Variants in PHTF2 observed in about 807,000 individuals in gnomAD.
PHTF2 encodes putative homeodomain transcription factor 2, also known as protein PHTF2.
PHTF2 carries 60 observed loss-of-function variants against 101.2 expected under a neutral mutation model. The ratio of observed to expected loss-of-function variants is 0.59; its 90% CI spans 0.48 to 0.73. PHTF2 has a LOEUF of 0.73. PHTF2 is among the 30% of genes least tolerant of loss of function. The pLI is 0.00. For synonymous variants in PHTF2, 311 were observed against 307.3 expected (o/e 1.01, Z -0.13); for missense variants, 747 against 908.7 (o/e 0.82, Z 2.29).
intron 1 of PHTF2, among the ~76,000 whole-genome samples, chr7:77,819,518 G>C (rs1329467187): frequency 6.6e-6 from 1 of 152,036 alleles, no homozygotes; most frequent in Non-Finnish European, 1.5e-5. Flanking sequence ...TTATTCTATT[G>C]GTGTGATGTA....
intron 1 of PHTF2, among the ~76,000 whole-genome samples, chr7:77,823,949 A>G (rs1401999235): frequency 6.6e-6 from 1 of 152,220 alleles, no homozygotes; most frequent in Non-Finnish European, 1.5e-5. Flanking sequence ...TTTTAAAAAG[A>G]TAAGTAGTGA....
At chr7:77,803,810 T>C (rs1364551911) in intron 1 of PHTF2, among the ~76,000 whole-genome samples, 2 of 151,440 alleles carry the variant, frequency 1.3e-5, no homozygotes, top group South Asian at 2.1e-4. Flanking sequence ...AGGGAGGCAA[T>C]AGGATTCAAC....
intron 1 of PHTF2, among the ~76,000 whole-genome samples, chr7:77,823,053 C>T (rs191300989): frequency 1.5e-4 from 23 of 151,352 alleles, no homozygotes; most frequent in Admixed American, 5.3e-4. Flanking sequence ...TACAGGCGCC[C>T]GCTACCACGC....
chr7:77,950,815 T>C (rs1310630872), intron 17 of PHTF2, among the ~76,000 whole-genome samples: 1 of 152,208 alleles, frequency 6.6e-6, no homozygotes, highest in African/African-American at 2.4e-5. Flanking sequence ...TACACACGGT[T>C]TTGGTTTGGC....
intron 3 of PHTF2, among the ~76,000 whole-genome samples, chr7:77,885,907 T>C (rs1258236734): frequency 6.6e-6 from 1 of 152,212 alleles, no homozygotes; most frequent in Non-Finnish European, 1.5e-5. Flanking sequence ...TGAGAATTAA[T>C]AGCTTGCTTT....
intron 17 of PHTF2, 122 bp downstream of exon 16, chr7:77,949,955 T>G: frequency 1.9e-6 from 1 of 536,592 alleles, no homozygotes; most frequent in Non-Finnish European, 3.1e-6. Context: ...TAAAGCAAAA[T>G]GTAAAATTTA....
chr7:77,914,454 G>A (rs1020904315), intron 9 of PHTF2, among the ~76,000 whole-genome samples: 3 of 152,148 alleles, frequency 2.0e-5, no homozygotes, highest in African/African-American at 2.4e-5. Flanking sequence ...GGAGGAGAGC[G>A]GCAACCTTAT....
intron 3 of PHTF2, among the ~76,000 whole-genome samples, chr7:77,862,672 G>T (rs1797740720): frequency 6.6e-6 from 1 of 152,180 alleles, no homozygotes; most frequent in Non-Finnish European, 1.5e-5. Context: ...TGGAAAACTA[G>T]CCTGGAATCT....
intron 6 of PHTF2, among the ~76,000 whole-genome samples, chr7:77,901,096 G>C (rs116974513): frequency 0.029 from 4,364 of 152,242 alleles, 63 homozygotes; most frequent in Middle Eastern, 0.071. Flanking sequence ...TAAATCACCA[G>C]ATCTCCTGAG....
At chr7:77,929,947 ATTTT>A (rs761290166) in intron 12 of PHTF2, among the ~76,000 whole-genome samples, 1 of 122,148 alleles carries the variant, frequency 8.2e-6, no homozygotes, top group African/African-American at 3.2e-5. Context: ...GACTAGCCAC[ATTTT>A]TTTTTTTTTT....
chr7:77,880,626 T>A (rs771491040), intron 3 of PHTF2, among the ~76,000 whole-genome samples: 33 of 152,160 alleles, frequency 2.2e-4, no homozygotes, highest in Middle Eastern at 3.4e-3. Context: ...ACGTCCTCCT[T>A]CACATCCCGC....
intron 12 of PHTF2, among the ~76,000 whole-genome samples, chr7:77,936,091 A>G (rs1805099208): frequency 6.6e-6 from 1 of 152,164 alleles, no homozygotes; most frequent in Non-Finnish European, 1.5e-5. Context: ...GTATATTAAA[A>G]TCCTTCATCT....
chr7:77,889,557 G>A (rs981436146), intron 3 of PHTF2, among the ~76,000 whole-genome samples: 3 of 132,508 alleles, frequency 2.3e-5, no homozygotes, highest in South Asian at 2.4e-4. Context: ...TAACTAAAAT[G>A]TTCATTCTGG....
intron 16 of PHTF2, among the ~76,000 whole-genome samples, chr7:77,944,108 C>CA (rs1805857819): frequency 6.6e-6 from 1 of 151,822 alleles, no homozygotes; most frequent in African/African-American, 2.4e-5. Flanking sequence ...AATAAAGGGC[C>CA]AAAAATGAAG....
intron 1 of PHTF2, among the ~76,000 whole-genome samples, chr7:77,820,544 T>TG (rs1562841744): frequency 1.4e-3 from 207 of 151,356 alleles, no homozygotes; most frequent in African/African-American, 4.1e-3. Context: ...GTGTGTGTGT[T>TG]TGTGTATACG....
At position 77,951,860 on chromosome 7, in the gene PHTF2, A is replaced by G. The variant is rs538644427; in HGVS notation, c.2211+148A>G. The G allele has an allele frequency of 2.6e-5, 14 of 536,648 alleles. No individual in the cohort carries two copies. The East Asian group carries it at 4.3e-4, about 17-fold the overall frequency. 33.2% of individuals were successfully genotyped at this position (536,648 alleles called of 1,614,324 possible). On this transcript the variant is annotated intron_variant, in intron 18 of 19. Coordinates refer to ENST00000416283, the Ensembl canonical transcript of PHTF2. Reference sequence around the variant, plus strand: ...ATACTTGTGCACATACATACAATTTATATTTTACTTCTCATTGCAAAAGTG... The same window carrying G: ...ATACTTGTGCACATACATACAATTTGTATTTTACTTCTCATTGCAAAAGTG...
At chr7:77,808,916 A>G (rs1793199486) in intron 1 of PHTF2, among the ~76,000 whole-genome samples, 1 of 152,172 alleles carries the variant, frequency 6.6e-6, no homozygotes, top group Non-Finnish European at 1.5e-5. Flanking sequence ...TTAGTTTTTA[A>G]ATGGAGAGGA....
intron 16 of PHTF2, among the ~76,000 whole-genome samples, chr7:77,943,327 C>G (rs978897006): frequency 6.6e-6 from 1 of 152,156 alleles, no homozygotes; most frequent in Non-Finnish European, 1.5e-5. Flanking sequence ...CGGGGTTTCA[C>G]CGTGTTAGCC....
At chr7:77,904,042 A>G (rs1047105444) in intron 7 of PHTF2, among the ~76,000 whole-genome samples, 5 of 152,178 alleles carry the variant, frequency 3.3e-5, no homozygotes, top group African/African-American at 9.7e-5. Flanking sequence ...TACTGCCAGG[A>G]AACCTCATAT....
Sources: allele counts gnomAD v4.1 joint callset (sites outside exome capture counted in the v4.1 genomes callset), GRCh38; gene constraint gnomAD v4.1.1; transcripts MANE v1.5; gene names NCBI Gene and HGNC (gene_info 2026-07-23, HGNC 2026-07-21).